TCERG1L: variants seen among roughly 807,000 people sequenced by gnomAD.
TCERG1L encodes the protein transcription elongation regulator 1-like protein.
TCERG1L carries 37 observed loss-of-function variants against 56.3 expected under a neutral mutation model. The ratio of observed to expected loss-of-function variants is 0.66; its 90% CI spans 0.51 to 0.87. The LOEUF is 0.87. Ranked by LOEUF, TCERG1L falls within the 40% of genes least tolerant of loss-of-function variation. The pLI is 0.00. For synonymous variants in TCERG1L, 324 were observed against 326.3 expected (o/e 0.99, Z 0.08); for missense variants, 799 against 774.2 (o/e 1.03, Z -0.38).
intron 4 of TCERG1L, among the ~76,000 whole-genome samples, chr10:131,227,453 G>A (rs1392069094): frequency 6.6e-6 from 1 of 152,210 alleles, no homozygotes; most frequent in Non-Finnish European, 1.5e-5. Flanking sequence ...CCTGCTGTCA[G>A]AGCTTGGGTG....
intron 4 of TCERG1L, among the ~76,000 whole-genome samples, chr10:131,244,692 A>T (rs1347743104): frequency 2.0e-5 from 3 of 152,110 alleles, no homozygotes; most frequent in Non-Finnish European, 4.4e-5. Flanking sequence ...AGGATGGCCA[A>T]TTGGGGAGGG....
At chr10:131,142,147 C>T (rs901961805) in intron 7 of TCERG1L, among the ~76,000 whole-genome samples, 1 of 152,230 alleles carries the variant, frequency 6.6e-6, no homozygotes, top group African/African-American at 2.4e-5. Context: ...GCGGCTCAGG[C>T]CCTGGAGGCC....
rs1275914131 is a variant in TCERG1L at position 131,190,470 on chromosome 10, A to G, written c.857-23585T>C. ...CAAAAAAGGAAAGGATATAACAAAA[A>G]AGAAAACTGCAGACCAATTTCCCTG... is the stretch of plus-strand genomic sequence containing the variant. On this transcript the variant is annotated intron_variant, in intron 4 of 11. Coordinates refer to ENST00000368642, the MANE Select transcript of TCERG1L (RefSeq NM_174937.4). 2.7e-5 allele frequency among the ~76,000 whole-genome samples: 4 copies of G among 145,938 alleles called. 1 individual carries two copies. The highest frequency in any genetic ancestry group is 6.1e-5 in the Non-Finnish European group (4 of 65,784).
rs200444665 is a variant in TCERG1L, at chr10:131,284,979, A to G, written c.670+23232T>C. ...TATTTTTAAGGAATATTCCAATCTA[A>G]CATTGTAAAATTCTTCCAAAACATT... On this transcript the variant is annotated intron_variant, in intron 3 of 11. Coordinates refer to ENST00000368642, the MANE Select transcript of TCERG1L (RefSeq NM_174937.4). 5.5e-4 allele frequency among the ~76,000 whole-genome samples: 83 copies of G among 152,292 alleles called. 1 individual carries two copies. In the East Asian group the frequency reaches 0.011, roughly 21 times the overall value.
At chr10:131,298,049 T>G (rs1351986572) in intron 3 of TCERG1L, among the ~76,000 whole-genome samples, 1 of 152,086 alleles carries the variant, frequency 6.6e-6, no homozygotes, top group African/African-American at 2.4e-5. Context: ...TTTTAATTTT[T>G]TAATTTCTGC....
At chr10:131,239,918 A>G (rs942337793) in intron 4 of TCERG1L, among the ~76,000 whole-genome samples, 3 of 152,192 alleles carry the variant, frequency 2.0e-5, no homozygotes, top group Admixed American at 2.0e-4. Context: ...GCATCTCAGA[A>G]TGCAGAGGAG....
At position 131,191,661 on chromosome 10, in the gene TCERG1L, T is replaced by C. The variant is rs542086861; in HGVS notation, c.857-24776A>G. 1.6e-3 allele frequency among the ~76,000 whole-genome samples: 220 copies of C among 141,898 alleles called. 32 individuals are homozygous for C. Among genetic ancestry groups the C allele is most frequent in the Non-Finnish European group, 2.8e-3 (184 of 64,766 alleles). 93.1% of individuals were successfully genotyped at this position (141,898 alleles called of 152,430 possible). A position where few individuals can be genotyped will look rare whatever the true frequency, so the allele number is the denominator to read the frequency against. On this transcript the variant is annotated intron_variant, in intron 4 of 11. Coordinates refer to ENST00000368642, the MANE Select transcript of TCERG1L (RefSeq NM_174937.4). ...GACTGGCAAGCCACATGTAGAAGAA[T>C]GAAACTGGATCCCATTTCTCACCAC...
Position 131,093,127 on chromosome 10 carries a change from G to T in TCERG1L, c.*35C>A, listed in dbSNP as rs998878907. On this transcript the variant is annotated 3_prime_UTR_variant, in exon 12 of 12. Transcript: ENST00000368642. ...CCCCCTCGCCCCCGGCACGCCCAGG[G>T]TCAACCCCCGGGCTTATTGCATTTT... is the stretch of plus-strand genomic sequence containing the variant. The T allele has an allele frequency of 6.2e-7, 1 of 1,603,242 alleles. No individual in the cohort carries two copies. Among genetic ancestry groups the T allele is most frequent in the Non-Finnish European group, 8.5e-7 (1 of 1,174,332 alleles).
At chr10:131,105,766 T>C (rs1362045188) in intron 9 of TCERG1L, among the ~76,000 whole-genome samples, 1 of 152,056 alleles carries the variant, frequency 6.6e-6, no homozygotes, top group Admixed American at 6.5e-5. Flanking sequence ...ACTCAATCTT[T>C]TATTTATATT....
rs1018004448 is a variant in TCERG1L at position 131,311,223 on chromosome 10, G to A, written c.342+71C>T. ...GGCGCGCGAGCCGGAGGCCAGAGCC[G>A]GGCCGGGCAGGGCGCGCCCAGGAGC... On this transcript the variant is annotated intron_variant, in intron 1 of 11. Transcript: ENST00000368642. The surrounding 1 kb of genome is among the most constrained non-coding windows in gnomAD (Gnocchi z 4.0). 3.5e-6 allele frequency: 4 copies of A among 1,150,622 alleles called. No individual in the cohort carries two copies. The highest frequency in any genetic ancestry group is 3.2e-6 in the Non-Finnish European group (3 of 926,098). 71.3% of individuals were successfully genotyped at this position (1,150,622 alleles called of 1,614,324 possible). A position where few individuals can be genotyped will look rare whatever the true frequency, so the allele number is the denominator to read the frequency against.
chr10:131,120,805 C>T (rs1845505320), intron 8 of TCERG1L, among the ~76,000 whole-genome samples: 1 of 152,254 alleles, frequency 6.6e-6, no homozygotes, highest in Non-Finnish European at 1.5e-5. Context: ...AGATGGTCCA[C>T]ATCGACCTCT....
chr10:131,228,796 C>T (rs1845820139), intron 4 of TCERG1L, among the ~76,000 whole-genome samples: 1 of 93,172 alleles, frequency 1.1e-5, no homozygotes, highest in Non-Finnish European at 2.1e-5. Context: ...CCCCTCCAGA[C>T]AGGCATTTCC....
At chr10:131,106,044 T>C (rs1370195619) in intron 9 of TCERG1L, among the ~76,000 whole-genome samples, 1 of 152,238 alleles carries the variant, frequency 6.6e-6, no homozygotes, top group Non-Finnish European at 1.5e-5. Flanking sequence ...GCTCCTTTCC[T>C]AGAACGGTGT....
At chr10:131,120,628 A>AG (rs1845503081) in intron 8 of TCERG1L, among the ~76,000 whole-genome samples, 1 of 152,236 alleles carries the variant, frequency 6.6e-6, no homozygotes, top group Non-Finnish European at 1.5e-5. Context: ...GCTGACACCC[A>AG]GGTGCCTCAT....
intron 4 of TCERG1L, among the ~76,000 whole-genome samples, chr10:131,178,077 G>C (rs1169885564): frequency 6.6e-6 from 1 of 152,092 alleles, no homozygotes; most frequent in Non-Finnish European, 1.5e-5. Context: ...GGAGTGGGGG[G>C]AGCCTGCGCA....
Position 131,163,336 on chromosome 10 carries a change from G to T in TCERG1L, c.946-126C>A. 4.1e-6 allele frequency: 3 copies of T among 726,058 alleles called. No homozygotes were observed. In the South Asian group the frequency reaches 6.1e-5, roughly 15 times the overall value. The allele number at this position is 726,058 out of a possible 1,614,324, so 45.0% of individuals were successfully genotyped here. A position where few individuals can be genotyped will look rare whatever the true frequency, so the allele number is the denominator to read the frequency against. The stretch of plus-strand genomic sequence containing the variant: ...CAGCTTATAGTAGCCACGAGATAAT[G>T]ACCTCAGCACGGCAGCGCCTGGCTG... On this transcript the variant is annotated intron_variant, in intron 5 of 11. Transcript: ENST00000368642.
In TCERG1L at chr10:131,092,471, C is replaced by A. The variant is rs543054628; in HGVS notation, c.*691G>T. 6.6e-6 allele frequency: 1 copy of A among 152,504 alleles called. No homozygotes were observed. The highest frequency in any genetic ancestry group is 1.5e-5 in the Non-Finnish European group (1 of 68,024). The allele number at this position is 152,504 out of a possible 1,614,324, so 9.4% of individuals were successfully genotyped here. On this transcript the variant is annotated 3_prime_UTR_variant, in exon 12 of 12. Coordinates refer to ENST00000368642, the MANE Select transcript of TCERG1L (RefSeq NM_174937.4). The stretch of plus-strand genomic sequence containing the variant: ...ATGAGAAAAAATCTCATGCAAACTC[C>A]GGGCATACAATAAAAATAACTCAAA...
chr10:131,123,283 A>G (rs1047116154), intron 8 of TCERG1L, among the ~76,000 whole-genome samples: 2 of 152,194 alleles, frequency 1.3e-5, no homozygotes, highest in Admixed American at 1.3e-4. Context: ...TGGTGTAATC[A>G]AAGATGCTGG....
At chr10:131,212,052 T>C (rs1156696547) in intron 4 of TCERG1L, among the ~76,000 whole-genome samples, 1 of 152,314 alleles carries the variant, frequency 6.6e-6, no homozygotes, top group South Asian at 2.1e-4. Context: ...GACTCAACTG[T>C]GCTATGGGGC....
Sources: gnomAD v4.1 joint callset for allele counts (sites outside exome capture counted in the v4.1 genomes callset) on GRCh38, gnomAD v4.1.1 for gene constraint, Gnocchi (gnomAD v3.1) non-coding constraint, MANE v1.5 for transcripts, NCBI Gene and HGNC (gene_info 2026-07-23, HGNC 2026-07-21) for gene names.